KATNAL1: variants seen among roughly 807,000 people sequenced by gnomAD.
The protein encoded by KATNAL1 is katanin p60 ATPase-containing subunit A-like 1.
KATNAL1 carries 32 observed loss-of-function variants against 55.2 expected under a neutral mutation model. The ratio of observed to expected loss-of-function variants is 0.58; its 90% CI spans 0.44 to 0.78. KATNAL1 has a LOEUF of 0.78. KATNAL1 is among the 30% of genes least tolerant of loss of function. The pLI is 0.00. For missense variants in KATNAL1, 466 were observed against 600.9 expected (o/e 0.78, Z 2.35); for synonymous variants, 193 against 193.6 (o/e 1.00, Z 0.02).
At chr13:30,271,878 G>GAAAAAAAAAAAAAAAAAAAAAAAAGA (rs71299873) in intron 3 of KATNAL1, among the ~76,000 whole-genome samples, 4 of 76,786 alleles carry the variant, frequency 5.2e-5, no homozygotes, top group South Asian at 5.8e-4. Context: ...AAGAAAAGAG[G>GAAAAAAAAAAAAAAAAAAAAAAAAGA]AAAAAAAAAA....
chr13:30,230,787 T>C (rs117783713), intron 7 of KATNAL1, among the ~76,000 whole-genome samples, 193 bp from the exon 8 acceptor site: 3,819 of 152,296 alleles, frequency 0.025, 67 homozygotes, highest in Middle Eastern at 0.054. Flanking sequence ...AAAGGTTATA[T>C]GGCTGGTGAA....
At chr13:30,286,393 A>T (rs1005798953) in intron 1 of KATNAL1, among the ~76,000 whole-genome samples, 2 of 152,242 alleles carry the variant, frequency 1.3e-5, no homozygotes, top group South Asian at 4.1e-4. Context: ...CATGGCTAAA[A>T]GGGGCCAAGG....
intron 9 of KATNAL1, among the ~76,000 whole-genome samples, chr13:30,221,897 T>C (rs1415591731): frequency 6.6e-6 from 1 of 152,018 alleles, no homozygotes; most frequent in Non-Finnish European, 1.5e-5. Flanking sequence ...ATTAAAAGTA[T>C]AAAATTAGCC....
At chr13:30,276,030 C>T (rs1177343685) in intron 3 of KATNAL1, among the ~76,000 whole-genome samples, 2 of 151,864 alleles carry the variant, frequency 1.3e-5, no homozygotes, top group Non-Finnish European at 2.9e-5. Flanking sequence ...AGTTAATAAG[C>T]CTACATGTAA....
At chr13:30,240,438 A>C (rs1173497738) in intron 6 of KATNAL1, 22 bp downstream of exon 6, 2 of 1,519,980 alleles carry the variant, frequency 1.3e-6, no homozygotes, top group Non-Finnish European at 1.8e-6. Flanking sequence ...CTTATATCAA[A>C]ACCAATTTAA....
rs991280871 is a variant in KATNAL1 at position 30,203,413 on chromosome 13, C to T, written c.*5127G>A. On this transcript the variant is annotated 3_prime_UTR_variant, in exon 11 of 11. Transcript: ENST00000380615. ...ACTGAGGTAGACTCTGGGAATTACACGTGCAAAGAGTCAGGTTTTCCAAAG... is the reference window on the plus strand; with the variant it reads ...ACTGAGGTAGACTCTGGGAATTACATGTGCAAAGAGTCAGGTTTTCCAAAG... 11 of 152,148 alleles carry T rather than the reference C, an allele frequency of 7.2e-5. No homozygotes were observed. Among genetic ancestry groups the T allele is most frequent in the South Asian group, 4.1e-4 (2 of 4,832 alleles). The allele number at this position is 152,148 out of a possible 1,614,324, so 9.4% of individuals were successfully genotyped here.
At chr13:30,294,782 G>C (rs113418605) in intron 1 of KATNAL1, among the ~76,000 whole-genome samples, 1 of 152,184 alleles carries the variant, frequency 6.6e-6, no homozygotes, top group African/African-American at 2.4e-5. Context: ...GCTGGCTCTC[G>C]TGTCAGGGGC....
chr13:30,213,852 G>T (rs1192338377), intron 9 of KATNAL1, among the ~76,000 whole-genome samples: 1 of 152,168 alleles, frequency 6.6e-6, no homozygotes, highest in Admixed American at 6.5e-5. Context: ...CATTCCCTTT[G>T]AAAACGGGCA....
At chr13:30,231,532 A>G in intron 6 of KATNAL1, 60 bp from the exon 7 acceptor site, 1 of 1,109,858 alleles carries the variant, frequency 9.0e-7, no homozygotes, top group Non-Finnish European at 1.2e-6. Context: ...TTTATAAATT[A>G]TCATCAGCTA....
At chr13:30,284,460 A>C (rs1881637717) in intron 1 of KATNAL1, among the ~76,000 whole-genome samples, 1 of 152,208 alleles carries the variant, frequency 6.6e-6, no homozygotes, top group African/African-American at 2.4e-5. Context: ...ACATAAATAT[A>C]TGAATATATT....
Position 30,230,500 on chromosome 13 carries a change from C to T in KATNAL1, c.980G>A (p.Arg327Lys), listed in dbSNP as rs2137395194. ...CTGAATGAGCAGTTCAGACTTGACC[C>T]TGCGACTTGCCTCATGTTCATCAGA... ...GTSDEHEASR[R>K]VKSELLIQMD... Residue 327 changes from arginine to lysine, a missense_variant, in exon 8 of 11, where the codon AGG becomes AAG. Arg to Lys is a conservative substitution (Grantham distance 26). Coordinates refer to ENST00000380615, the MANE Select transcript of KATNAL1 (RefSeq NM_032116.5). The T allele has an allele frequency of 3.7e-6, 6 of 1,613,502 alleles. No homozygotes were observed. Among genetic ancestry groups the T allele is most frequent in the Non-Finnish European group, 4.2e-6 (5 of 1,179,756 alleles).
In KATNAL1 at chr13:30,297,099, C is replaced by A. The variant is rs556632775; in HGVS notation, c.-15+10232G>T. Among the ~76,000 whole-genome samples the A allele has an allele frequency of 4.0e-5, 6 of 150,182 alleles. No homozygotes were observed. The East Asian group carries it at 7.8e-4, about 20-fold the overall frequency. On this transcript the variant is annotated intron_variant, in intron 1 of 10. Transcript: ENST00000380615. ...GCAGTAAGTTATGATCACACCACTA[C>A]GCTCCAGCCCTCCAGCCTGGGTGAC...
intron 1 of KATNAL1, among the ~76,000 whole-genome samples, chr13:30,297,375 C>G (rs147336771): frequency 3.3e-5 from 5 of 152,288 alleles, no homozygotes; most frequent in Non-Finnish European, 7.4e-5. Context: ...TTTAGCAATA[C>G]AGTCTTTTTT....
intron 6 of KATNAL1, among the ~76,000 whole-genome samples, chr13:30,239,839 C>T (rs560429389): frequency 1.3e-5 from 2 of 152,100 alleles, no homozygotes; most frequent in South Asian, 4.2e-4. Context: ...GCATGCACCA[C>T]CACGCCCAGC....
chr13:30,255,437 A>G lies in KATNAL1; in HGVS notation c.492+10T>C. ...TCAAGTGAGTGAATTACAGAAAGAC[A>G]GCATCTTGCCTTGTCATCTCTCCCT... On this transcript the variant is annotated intron_variant, in intron 4 of 10. Transcript: ENST00000380615. 1 of 1,498,824 alleles carries G rather than the reference A, an allele frequency of 6.7e-7. No individual in the cohort carries two copies. Among genetic ancestry groups the G allele is most frequent in the East Asian group, 2.6e-5 (1 of 38,924 alleles). 92.8% of individuals were successfully genotyped at this position (1,498,824 alleles called of 1,614,324 possible). A position where few individuals can be genotyped will look rare whatever the true frequency, so the allele number is the denominator to read the frequency against.
rs373315438 is a variant in KATNAL1 at position 30,249,424 on chromosome 13, T to C, written c.492+6023A>G. 1.6e-4 allele frequency among the ~76,000 whole-genome samples: 25 copies of C among 152,222 alleles called. No individual in the cohort carries two copies. The South Asian group carries it at 3.9e-3, about 24-fold the overall frequency. ...TATATGCTCACTAGAAATTCATGCA[T>C]ATATATGTCAAAGGATAAGCAGAAA... On this transcript the variant is annotated intron_variant, in intron 4 of 10. Coordinates refer to ENST00000380615, the MANE Select transcript of KATNAL1 (RefSeq NM_032116.5).
chr13:30,250,890 G>A (rs1365958805), intron 4 of KATNAL1, among the ~76,000 whole-genome samples: 2 of 152,328 alleles, frequency 1.3e-5, no homozygotes, highest in Non-Finnish European at 2.9e-5. Context: ...TGTAATCCCA[G>A]CACTTCGGGA....
intron 9 of KATNAL1, among the ~76,000 whole-genome samples, chr13:30,215,000 G>T (rs182257559): frequency 2.0e-5 from 3 of 151,984 alleles, no homozygotes; most frequent in Admixed American, 2.0e-4. Context: ...TACAAAATGG[G>T]AGAAAATTTT....
chr13:30,265,876 G>T (rs1277247994), intron 3 of KATNAL1, among the ~76,000 whole-genome samples: 1 of 151,488 alleles, frequency 6.6e-6, no homozygotes, highest in Non-Finnish European at 1.5e-5. Flanking sequence ...GCCAGGCATG[G>T]TGGCACGTGC....
Sources: allele counts gnomAD v4.1 joint callset (sites outside exome capture counted in the v4.1 genomes callset), GRCh38; gene constraint gnomAD v4.1.1; transcripts MANE v1.5; gene names NCBI Gene and HGNC (gene_info 2026-07-23, HGNC 2026-07-21).